Variants in ADAMTS17 observed in about 807,000 individuals in gnomAD.
ADAMTS17 encodes A disintegrin and metalloproteinase with thrombospondin motifs 17.
ADAMTS17 carries 113 observed loss-of-function variants against 141.5 expected under a neutral mutation model. That is an observed-to-expected ratio of 0.80 (90% CI 0.69 to 0.93). The LOEUF is 0.93. Ranked by LOEUF, ADAMTS17 falls within the 40% of genes least tolerant of loss-of-function variation. The pLI is 0.00. For missense variants in ADAMTS17, 1,659 were observed against 1,517.9 expected, an observed-to-expected ratio of 1.09 and a Z score of -1.54; for synonymous variants, 768 against 630.6, an observed-to-expected ratio of 1.22 and a Z score of -3.27.
intron 19 of ADAMTS17, among the ~76,000 whole-genome samples, chr15:99,994,246 G>A (rs1441943647): frequency 1.3e-5 from 2 of 151,976 alleles, no homozygotes; most frequent in African/African-American, 2.4e-5. Flanking sequence ...CTGCTAAGGC[G>A]GTTTCATACT....
At chr15:100,286,144 C>G (rs76085048) in intron 3 of ADAMTS17, among the ~76,000 whole-genome samples, 6,166 of 152,276 alleles carry the variant, frequency 0.04, 204 homozygotes, top group Non-Finnish European at 0.064. Flanking sequence ...ACCACTTTGT[C>G]AGCAAACACT....
chr15:100,154,746 G>A (rs2039348804), intron 9 of ADAMTS17, among the ~76,000 whole-genome samples: 1 of 152,178 alleles, frequency 6.6e-6, no homozygotes, highest in African/African-American at 2.4e-5. Context: ...CTCCCCAGAG[G>A]TGAGGAAGCT....
intron 3 of ADAMTS17, among the ~76,000 whole-genome samples, chr15:100,326,876 G>A (rs2045916998): frequency 1.3e-5 from 2 of 152,242 alleles, no homozygotes; most frequent in South Asian, 4.1e-4. Flanking sequence ...GACAGAGGGT[G>A]TCATACAAAG....
chr15:100,341,013 C>A, intron 2 of ADAMTS17, 26 bp downstream of exon 2: 3 of 1,524,522 alleles, frequency 2.0e-6, no homozygotes, highest in Non-Finnish European at 2.6e-6. Flanking sequence ...CCGGACGGGC[C>A]GACCCGGAGG....
At chr15:100,058,421 G>A (rs946670169) in intron 15 of ADAMTS17, among the ~76,000 whole-genome samples, 3 of 139,332 alleles carry the variant, frequency 2.2e-5, no homozygotes, top group Admixed American at 7.5e-5. Flanking sequence ...CACTGGCCTT[G>A]TTTATGTATT....
intron 20 of ADAMTS17, among the ~76,000 whole-genome samples, chr15:99,987,807 G>C (rs1210912972): frequency 2.6e-5 from 4 of 152,186 alleles, no homozygotes; most frequent in African/African-American, 9.7e-5. Flanking sequence ...GGAGAGGGTA[G>C]TGAGGGGCAG....
chr15:100,258,240 C>G (rs2043393368), intron 6 of ADAMTS17, among the ~76,000 whole-genome samples: 1 of 152,156 alleles, frequency 6.6e-6, no homozygotes, highest in Non-Finnish European at 1.5e-5. Context: ...CTTCTGGGTT[C>G]AGAAGTGGGA....
intron 8 of ADAMTS17, among the ~76,000 whole-genome samples, chr15:100,162,079 A>G (rs2039716046): frequency 6.6e-6 from 1 of 152,206 alleles, no homozygotes; most frequent in African/African-American, 2.4e-5. Context: ...AATAATGACC[A>G]ATATAGTGTT....
At chr15:100,250,729 A>G (rs1332632439) in intron 7 of ADAMTS17, among the ~76,000 whole-genome samples, 4 of 152,212 alleles carry the variant, frequency 2.6e-5, no homozygotes, top group African/African-American at 9.7e-5. Context: ...AGCCTGATTA[A>G]GAGCTGTAGT....
At chr15:100,314,058 C>A (rs7171572) in intron 3 of ADAMTS17, among the ~76,000 whole-genome samples, 1 of 137,220 alleles carries the variant, frequency 7.3e-6, no homozygotes, top group Non-Finnish European at 1.6e-5. Context: ...TCAGACAAAA[C>A]CACCCCAAAT....
rs1011089290 is a variant in ADAMTS17, at chr15:100,170,058, G to A, written c.1182-14738C>T. On this transcript the variant is annotated intron_variant, in intron 8 of 21. Coordinates refer to ENST00000268070, the MANE Select transcript of ADAMTS17 (RefSeq NM_139057.4). ...CCCTCTGACTTTCCCACATACACCCGAGGCTAGAAGAGGAAGCGTGATGTG... is the reference window on the plus strand; with the variant it reads ...CCCTCTGACTTTCCCACATACACCCAAGGCTAGAAGAGGAAGCGTGATGTG... Among the ~76,000 whole-genome samples the A allele has an allele frequency of 2.6e-4, 39 of 152,060 alleles. 2 individuals are homozygous for A. Among genetic ancestry groups the A allele is most frequent in the Admixed American group, 1.9e-3 (29 of 15,284 alleles).
rs2060271802 is a variant in ADAMTS17, at chr15:99,974,265, C to G, written c.*137G>C. 8.6e-7 allele frequency: 1 copy of G among 1,166,260 alleles called. No individual in the cohort carries two copies. Among genetic ancestry groups the G allele is most frequent in the African/African-American group, 1.5e-5 (1 of 65,868 alleles). The allele number at this position is 1,166,260 out of a possible 1,614,324, so 72.2% of individuals were successfully genotyped here. ...AGTACGGAAGCACTAATGGCAAACG[C>G]CAAGTCCACGCTCATGTTCTATGTA... On this transcript the variant is annotated 3_prime_UTR_variant, in exon 22 of 22. Transcript: ENST00000268070.
At chr15:100,258,255 G>A (rs556809524) in intron 6 of ADAMTS17, among the ~76,000 whole-genome samples, 6 of 152,166 alleles carry the variant, frequency 3.9e-5, no homozygotes, top group Non-Finnish European at 7.3e-5. Flanking sequence ...GTGGGATCAC[G>A]TGGTAACTCT....
intron 7 of ADAMTS17, among the ~76,000 whole-genome samples, chr15:100,233,774 T>G (rs915949501): frequency 6.7e-5 from 10 of 149,724 alleles, no homozygotes; most frequent in African/African-American, 2.5e-4. Context: ...AGGGGGAGAG[T>G]GTGCCGGGCC....
At chr15:99,998,140 CAAAG>C (rs1468341505) in intron 18 of ADAMTS17, among the ~76,000 whole-genome samples, 3 of 152,162 alleles carry the variant, frequency 2.0e-5, no homozygotes, top group East Asian at 1.9e-4. Flanking sequence ...CAGCCACTGA[CAAAG>C]AACCCCCCAG....
intron 8 of ADAMTS17, among the ~76,000 whole-genome samples, chr15:100,181,796 C>T (rs964250469): frequency 6.6e-6 from 1 of 152,214 alleles, no homozygotes; most frequent in African/African-American, 2.4e-5. Context: ...AGAGGGGTGG[C>T]ACAAGCACTC....
intron 3 of ADAMTS17, among the ~76,000 whole-genome samples, chr15:100,288,433 C>T (rs997357723): frequency 6.6e-6 from 1 of 152,178 alleles, no homozygotes; most frequent in Non-Finnish European, 1.5e-5. Flanking sequence ...CTTCAACACC[C>T]TACTGACAGT....
chr15:100,053,383 C>T (rs1308003475), intron 16 of ADAMTS17, among the ~76,000 whole-genome samples: 4 of 152,166 alleles, frequency 2.6e-5, no homozygotes, highest in African/African-American at 7.2e-5. Flanking sequence ...GTAGAATACC[C>T]ACATCATCTG....
rs1013094296 is a variant in ADAMTS17 at position 99,993,540 on chromosome 15, T to C, written c.2797-340A>G. ...GTGAGCTCGAAGGGCAGGTGTGTGA[T>C]GGAGCCATGAGTGGGGCAGGGAACA... On this transcript the variant is annotated intron_variant, in intron 19 of 21. Coordinates refer to ENST00000268070, the MANE Select transcript of ADAMTS17 (RefSeq NM_139057.4). This position sits in a 1 kb window ranked among gnomAD's most constrained non-coding sequence, Gnocchi z 4.3. 3.3e-5 allele frequency among the ~76,000 whole-genome samples: 5 copies of C among 152,120 alleles called. No individual in the cohort carries two copies. Among genetic ancestry groups the C allele is most frequent in the Non-Finnish European group, 5.9e-5 (4 of 68,020 alleles).
Sources: allele counts gnomAD v4.1 joint callset (sites outside exome capture counted in the v4.1 genomes callset), GRCh38; gene constraint gnomAD v4.1.1; non-coding constraint Gnocchi (gnomAD v3.1); transcripts MANE v1.5; gene names NCBI Gene and HGNC (gene_info 2026-07-23, HGNC 2026-07-21).